MED13L: variants seen among roughly 807,000 people sequenced by gnomAD.
The protein encoded by MED13L is mediator of RNA polymerase II transcription subunit 13-like.
A neutral mutation model predicts 220.9 loss-of-function variants in MED13L; 7 were observed. The ratio of observed to expected loss-of-function variants is 0.03; its 90% confidence interval spans 0.02 to 0.06. The LOEUF is 0.06. Ranked by LOEUF, MED13L falls within the 10% of genes least tolerant of loss-of-function variation. The pLI, the probability that MED13L is intolerant of heterozygous loss-of-function variation, is 1.00. For synonymous variants in MED13L, 1,011 were observed against 1,015.2 expected (o/e 1.00, Z 0.08); for missense variants, 1,965 against 2,760.5 (o/e 0.71, Z 6.46).
intron 2 of MED13L, among the ~76,000 whole-genome samples, chr12:116,145,657 C>T (rs1001098504): frequency 8.0e-6 from 1 of 124,842 alleles, no homozygotes; most frequent in African/African-American, 3.2e-5. Context: ...CCACACTCAA[C>T]TCTATTTATT....
At chr12:116,161,724 A>G (rs1878867583) in intron 2 of MED13L, among the ~76,000 whole-genome samples, 1 of 152,166 alleles carries the variant, frequency 6.6e-6, no homozygotes, top group Non-Finnish European at 1.5e-5. Context: ...GAGGTCAGGA[A>G]AGCCTTCCCA....
At chr12:116,176,757 GA>G (rs1880093041) in intron 2 of MED13L, among the ~76,000 whole-genome samples, 1 of 149,424 alleles carries the variant, frequency 6.7e-6, no homozygotes, top group African/African-American at 2.5e-5. Flanking sequence ...CAGGAAAATA[GA>G]AAACAGATGA....
chr12:116,256,003 A>G (rs558758644), intron 1 of MED13L, among the ~76,000 whole-genome samples: 134 of 152,340 alleles, frequency 8.8e-4, no homozygotes, highest in African/African-American at 3.1e-3. Context: ...AGCATTTTAG[A>G]TAAAAGATTC....
chr12:116,258,949 A>T (rs1335664330), intron 1 of MED13L, among the ~76,000 whole-genome samples: 1 of 150,464 alleles, frequency 6.6e-6, no homozygotes, highest in African/African-American at 2.4e-5. Flanking sequence ...GGCAGAAGTT[A>T]AAATGAGTAA....
At chr12:116,157,114 G>A (rs1174120708) in intron 2 of MED13L, among the ~76,000 whole-genome samples, 1 of 152,084 alleles carries the variant, frequency 6.6e-6, no homozygotes, top group Non-Finnish European at 1.5e-5. Flanking sequence ...CTCAACACTT[G>A]CCACCAAAAC....
intron 2 of MED13L, among the ~76,000 whole-genome samples, chr12:116,183,880 T>G (rs1880709070): frequency 6.6e-6 from 1 of 151,668 alleles, no homozygotes; most frequent in African/African-American, 2.4e-5. Flanking sequence ...TATATATAGA[T>G]AGTGGCTTCC....
At chr12:116,003,497 CT>C (rs35808476) in intron 13 of MED13L, among the ~76,000 whole-genome samples, 14,548 of 140,984 alleles carry the variant, frequency 0.1, 730 homozygotes, top group East Asian at 0.23. Context: ...CCCTCCAATT[CT>C]TTTTTTTTTT....
chr12:116,277,016 CCCCTT>C, intron 1 of MED13L, 39 bp downstream of exon 1: 18 of 1,388,630 alleles, frequency 1.3e-5, no homozygotes, highest in Non-Finnish European at 1.8e-5. Context: ...GGGGACCCCC[CCCCTT>C]CCCCGGCACA....
chr12:116,210,976 A>C (rs1882661522), intron 2 of MED13L, among the ~76,000 whole-genome samples: 1 of 152,210 alleles, frequency 6.6e-6, no homozygotes, highest in Admixed American at 6.5e-5. Context: ...ACTAGTTTCC[A>C]ACCACAATGA....
chr12:115,985,685 C>T (rs1179711911), intron 19 of MED13L, among the ~76,000 whole-genome samples: 1 of 152,046 alleles, frequency 6.6e-6, no homozygotes, highest in East Asian at 1.9e-4. Context: ...AATTCATATA[C>T]TAAAGATGTA....
chr12:116,134,369 A>T (rs1312107144), intron 2 of MED13L, among the ~76,000 whole-genome samples: 1 of 152,222 alleles, frequency 6.6e-6, no homozygotes, highest in East Asian at 1.9e-4. Context: ...AGTGAAATGA[A>T]ATGCTGAATT....
chr12:115,982,655 A>C (rs1243888845), intron 21 of MED13L, 52 bp from the exon 22 acceptor site: 1 of 1,457,118 alleles, frequency 6.9e-7, no homozygotes, highest in East Asian at 2.3e-5. Context: ...AATTACACGA[A>C]CATGAAAAAC....
intron 2 of MED13L, among the ~76,000 whole-genome samples, chr12:116,171,176 G>A (rs1347383432): frequency 1.3e-5 from 2 of 152,216 alleles, no homozygotes; most frequent in African/African-American, 4.8e-5. Flanking sequence ...CTACTCCCTT[G>A]ATGGTTGCAG....
At chr12:116,135,870 C>T (rs1876502368) in intron 2 of MED13L, among the ~76,000 whole-genome samples, 1 of 151,542 alleles carries the variant, frequency 6.6e-6, no homozygotes, top group Non-Finnish European at 1.5e-5. Context: ...AGCCACTGTG[C>T]TGCTTCAAGT....
chr12:116,039,291 G>A (rs1881383288), intron 4 of MED13L, among the ~76,000 whole-genome samples: 1 of 152,174 alleles, frequency 6.6e-6, no homozygotes, highest in Admixed American at 6.5e-5. Flanking sequence ...AGAGACCAGG[G>A]CCTTTCATAC....
At chr12:116,139,910 C>T (rs1876906869) in intron 2 of MED13L, among the ~76,000 whole-genome samples, 1 of 141,704 alleles carries the variant, frequency 7.1e-6, no homozygotes, top group Admixed American at 7.7e-5. Context: ...GCGGAGGTTG[C>T]AGTGAGCTGA....
intron 11 of MED13L, 158 bp downstream of exon 11, chr12:116,007,253 C>A (rs980441898): frequency 2.8e-6 from 2 of 717,754 alleles, no homozygotes; most frequent in Non-Finnish European, 4.9e-6. Flanking sequence ...AGGAACAATA[C>A]GCTGTTCAAT....
At chr12:116,001,094 C>CT (rs1285481768) in intron 14 of MED13L, among the ~76,000 whole-genome samples, 1 of 152,026 alleles carries the variant, frequency 6.6e-6, no homozygotes, top group Non-Finnish European at 1.5e-5. Flanking sequence ...AAATTAATTT[C>CT]TTTTTTTAAA....
rs189518041 is a variant in MED13L at position 116,106,761 on chromosome 12, G to A, written c.395+4667C>T. ...CTGGGGAGGCTGAGGCAGGTGAATC[G>A]CTTGAAACCGAGAGGCAGAGATTGC... On this transcript the variant is annotated intron_variant, in intron 3 of 30. Coordinates refer to ENST00000281928, the MANE Select transcript of MED13L (RefSeq NM_015335.5). Among the ~76,000 whole-genome samples the A allele has an allele frequency of 3.1e-4, 47 of 151,438 alleles. No homozygotes were observed. The East Asian group carries it at 7.6e-3, about 24-fold the overall frequency.
Sources: gnomAD v4.1 joint callset for allele counts (sites outside exome capture counted in the v4.1 genomes callset) on GRCh38, gnomAD v4.1.1 for gene constraint, MANE v1.5 for transcripts, NCBI Gene and HGNC (gene_info 2026-07-23, HGNC 2026-07-21) for gene names.